PAK3: variants seen among roughly 807,000 people sequenced by gnomAD.
PAK3 encodes p21 (RAC1) activated kinase 3.
PAK3 carries 4 observed loss-of-function variants against 41.0 expected under a neutral mutation model. That is an observed-to-expected ratio of 0.10 (90% CI 0.05 to 0.22). The LOEUF (loss-of-function observed/expected upper bound fraction) is 0.22. Ranked by LOEUF, PAK3 falls within the 10% of genes least tolerant of loss-of-function variation. The probability of loss-of-function intolerance (pLI) is 1.00; values close to 1 mark genes in which losing one functional copy is unlikely to be tolerated. For missense variants in PAK3, 205 were observed against 409.9 expected (o/e 0.50, Z 4.32); for synonymous variants, 146 against 139.6 (o/e 1.05, Z -0.32).
intron 1 of PAK3, among the ~76,000 whole-genome samples, chrX:111,008,693 G>A (rs1602755385): frequency 1.8e-5 from 2 of 112,733 alleles, no homozygotes; most frequent in East Asian, 5.6e-4. Flanking sequence ...TCTCTCACAT[G>A]TAGTAAGGGT....
Position 110,989,272 on chromosome X carries a change from T to A in PAK3, c.-28+44644T>A, listed in dbSNP as rs185920612. On this transcript the variant is annotated intron_variant, in intron 1 of 14. Transcript: ENST00000425146. ...ACTCTTACCATTTCAAAACTCTTCA[T>A]CTCCTACCTGACTTTGTATTTTCCT... Among the ~76,000 whole-genome samples, 114 of 111,968 alleles carry A rather than the reference T, an allele frequency of 1.0e-3. No homozygotes were observed. The Middle Eastern group carries it at 0.027, about 27-fold the overall frequency.
intron 8 of PAK3, among the ~76,000 whole-genome samples, chrX:111,160,596 C>T: frequency 9.2e-6 from 1 of 108,999 alleles, no homozygotes; most frequent in South Asian, 4.0e-4. Context: ...AGGTATATCA[C>T]CTAATGCTAT....
rs1455288025 is a variant in PAK3 at position 111,221,530 on chromosome X, A to T, written c.*1083A>T. On this transcript the variant is annotated 3_prime_UTR_variant, in exon 18 of 18. Coordinates refer to ENST00000372007, the MANE Select transcript of PAK3 (RefSeq NM_002578.5). ...GCTTATGAAACATATGCACTGTAAA[A>T]TAGGCATACCAGGAGGAAATAGATA... 1 of 112,475 alleles carries T rather than the reference A, an allele frequency of 8.9e-6. No individual in the cohort carries two copies. Among genetic ancestry groups the T allele is most frequent in the Non-Finnish European group, 1.9e-5 (1 of 53,239 alleles). 9.3% of individuals were successfully genotyped at this position (112,475 alleles called of 1,213,427 possible).
chrX:111,216,861 T>C (rs991427685), intron 17 of PAK3: 8 of 658,652 alleles, frequency 1.2e-5, no homozygotes, highest in Non-Finnish European at 1.4e-5. Flanking sequence ...TAAACTTTAC[T>C]TGTGCCCCTG....
rs764106735 is a variant in PAK3 at position 111,162,992 on chromosome X, A to T, written c.546A>T (p.Glu182Asp). The T allele has an allele frequency of 1.2e-5, 14 of 1,201,691 alleles. No homozygotes were observed. The highest frequency in any genetic ancestry group is 8.8e-5 in the Admixed American group (4 of 45,580). Residue 182 changes from glutamate to aspartate, a missense_variant, in exon 9 of 18, where the codon GAA becomes GAT. By Grantham distance (45) the Glu-to-Asp change is conservative. This residue lies in a region of PAK3 where 75 missense variants were observed against 91.9 expected (regional missense o/e 0.82). Transcript: ENST00000372007. ...EEEDEEEEEE[E>D]DENEPPPVIA... ...AAGATGAAGAGGAAGAAGAAGAAGA[A>T]GATGAAAATGAGCCACCACCAGTTA...
At chrX:111,176,357 G>A (rs2094404518) in intron 11 of PAK3, among the ~76,000 whole-genome samples, 1 of 110,418 alleles carries the variant, frequency 9.1e-6, no homozygotes, top group African/African-American at 3.3e-5. Flanking sequence ...CGAAGGGAGT[G>A]AGAGCATTAG....
At chrX:110,954,310 G>T (rs1461172407) in intron 1 of PAK3, among the ~76,000 whole-genome samples, 1 of 112,286 alleles carries the variant, frequency 8.9e-6, no homozygotes, top group East Asian at 2.8e-4. Context: ...ACTGTTTGTT[G>T]TGTGTCAGGT....
intron 1 of PAK3, among the ~76,000 whole-genome samples, chrX:111,083,405 T>C (rs2092851285): frequency 8.9e-6 from 1 of 112,248 alleles, no homozygotes; most frequent in African/African-American, 3.2e-5. Flanking sequence ...ATTAGTTTAT[T>C]CATTTGTCTG....
chrX:111,044,035 G>T (rs757083514), intron 1 of PAK3, among the ~76,000 whole-genome samples: 1 of 111,954 alleles, frequency 8.9e-6, no homozygotes, highest in Non-Finnish European at 1.9e-5. Flanking sequence ...TTGATTTTAA[G>T]AAGATTTTTA....
intron 3 of PAK3, among the ~76,000 whole-genome samples, chrX:111,099,786 G>A (rs2093090726): frequency 9.8e-6 from 1 of 101,869 alleles, no homozygotes; most frequent in African/African-American, 3.6e-5. Context: ...CCCAGACAGT[G>A]TGTTTGCCCC....
At chrX:111,100,704 G>C (rs1296873412) in intron 3 of PAK3, among the ~76,000 whole-genome samples, 2 of 111,951 alleles carry the variant, frequency 1.8e-5, no homozygotes, top group Non-Finnish European at 3.8e-5. Flanking sequence ...GTGGTAGACA[G>C]AGTAGTTGTC....
intron 4 of PAK3, among the ~76,000 whole-genome samples, chrX:111,106,060 A>G (rs925090948): frequency 9.0e-6 from 1 of 111,453 alleles, no homozygotes; most frequent in Non-Finnish European, 1.9e-5. Context: ...ATTCCCACAG[A>G]CAAGCACTCC....
chrX:111,105,703 C>T (rs1187008908), intron 4 of PAK3, among the ~76,000 whole-genome samples: 1 of 111,828 alleles, frequency 8.9e-6, no homozygotes, highest in East Asian at 2.8e-4. Flanking sequence ...TACATAGAAA[C>T]ACACATTTTG....
intron 17 of PAK3, among the ~76,000 whole-genome samples, chrX:111,219,891 T>C (rs2094913334): frequency 9.0e-6 from 1 of 110,781 alleles, no homozygotes; most frequent in South Asian, 3.8e-4. Context: ...AAAAAATAAA[T>C]TAAAAAAATT....
At chrX:111,181,905 G>A (rs1219182605) in intron 11 of PAK3, among the ~76,000 whole-genome samples, 2 of 111,383 alleles carry the variant, frequency 1.8e-5, no homozygotes, top group African/African-American at 3.3e-5. Flanking sequence ...CTAAATAGAT[G>A]TAGTCTGAGT....
At chrX:111,204,878 GTTTTTTT>G (rs1163687252) in intron 16 of PAK3, among the ~76,000 whole-genome samples, 2 of 37,671 alleles carry the variant, frequency 5.3e-5, no homozygotes, top group African/African-American at 2.0e-4. Flanking sequence ...CCTTTGCTTT[GTTTTTTT>G]TTTTTTTTTT....
chrX:111,172,762 A>G (rs1461970920), intron 10 of PAK3, among the ~76,000 whole-genome samples: 1 of 110,929 alleles, frequency 9.0e-6, no homozygotes, highest in Non-Finnish European at 1.9e-5. Context: ...GTAATTTTGA[A>G]TATAAGCAAA....
At chrX:111,201,363 T>C (rs763826352) in intron 16 of PAK3, among the ~76,000 whole-genome samples, 1 of 111,963 alleles carries the variant, frequency 8.9e-6, no homozygotes, top group East Asian at 2.8e-4. Context: ...AGAAAAAGGA[T>C]CTAACATGAG....
chrX:111,150,670 C>G (rs746078359), intron 7 of PAK3, among the ~76,000 whole-genome samples: 68 of 111,562 alleles, frequency 6.1e-4, no homozygotes, highest in Non-Finnish European at 1.1e-3. Context: ...AATTCAATTA[C>G]CTCCCACTGG....
Sources: gnomAD v4.1 joint callset for allele counts (sites outside exome capture counted in the v4.1 genomes callset) on GRCh38, gnomAD v4.1.1 for gene constraint, gnomAD v4.1.1 regional missense constraint, MANE v1.5 for transcripts, NCBI Gene and HGNC (gene_info 2026-07-23, HGNC 2026-07-21) for gene names.